Variants in PDE10A observed in about 807,000 individuals in gnomAD.
PDE10A encodes cAMP and cAMP-inhibited cGMP 3',5'-cyclic phosphodiesterase 10A.
Under a neutral mutation model 97.7 loss-of-function variants are expected in PDE10A, and 39 were observed. The ratio of observed to expected loss-of-function variants is 0.40; its 90% confidence interval spans 0.31 to 0.52. PDE10A has a LOEUF of 0.52. PDE10A is among the 20% of genes least tolerant of loss of function. The pLI is 0.56. For synonymous variants in PDE10A, 371 were observed against 376.8 expected (o/e 0.98, Z 0.18); for missense variants, 731 against 1,047.8 (o/e 0.70, Z 4.17).
chr6:165,420,550 T>G (rs1788620899), intron 10 of PDE10A, among the ~76,000 whole-genome samples: 1 of 152,240 alleles, frequency 6.6e-6, no homozygotes, highest in Non-Finnish European at 1.5e-5. Context: ...TGATCCTGCA[T>G]TATTAAACAT....
chr6:165,875,824 C>T (rs1414950698), intron 1 of PDE10A, among the ~76,000 whole-genome samples: 1 of 150,206 alleles, frequency 6.7e-6, no homozygotes, highest in African/African-American at 2.5e-5. Context: ...TGCCTTCTTC[C>T]TCTATTGGTT....
intron 1 of PDE10A, among the ~76,000 whole-genome samples, chr6:165,593,557 A>G (rs1786409657): frequency 6.6e-6 from 1 of 152,222 alleles, no homozygotes; most frequent in Non-Finnish European, 1.5e-5. Flanking sequence ...AACCTAAAAA[A>G]GGAGCCATCA....
At chr6:165,400,660 A>T (rs1244090605) in intron 13 of PDE10A, among the ~76,000 whole-genome samples, 2 of 152,186 alleles carry the variant, frequency 1.3e-5, no homozygotes, top group Non-Finnish European at 2.9e-5. Context: ...GCAGTCTCTT[A>T]AACAGTTACA....
At chr6:165,923,353 G>A (rs1271034148) in intron 1 of PDE10A, among the ~76,000 whole-genome samples, 2 of 152,216 alleles carry the variant, frequency 1.3e-5, no homozygotes, top group African/African-American at 2.4e-5. Flanking sequence ...AAAAGAACAA[G>A]GCCTATTCCA....
chr6:165,806,654 C>T (rs552039300), intron 1 of PDE10A, among the ~76,000 whole-genome samples: 1 of 151,800 alleles, frequency 6.6e-6, no homozygotes, highest in Non-Finnish European at 1.5e-5. Context: ...TGAGCGCCCC[C>T]CCCCAGGCTC....
Position 165,366,601 on chromosome 6 carries a change from C to T in PDE10A, c.2783+12593G>A, listed in dbSNP as rs1235508288. Among the ~76,000 whole-genome samples the T allele has an allele frequency of 2.6e-5, 4 of 152,200 alleles. No individual in the cohort carries two copies. The East Asian group carries it at 7.7e-4, about 29-fold the overall frequency. On this transcript the variant is annotated intron_variant, in intron 18 of 21. Transcript: ENST00000539869. Reference sequence around the variant, plus strand: ...TGACATCCTTATTTACACAGCTCTTCTCCTAAGGGCATGTCATAAATACAG... The same window carrying T: ...TGACATCCTTATTTACACAGCTCTTTTCCTAAGGGCATGTCATAAATACAG...
At chr6:165,810,121 A>G (rs1249378888) in intron 1 of PDE10A, among the ~76,000 whole-genome samples, 1 of 152,136 alleles carries the variant, frequency 6.6e-6, no homozygotes, top group Non-Finnish European at 1.5e-5. Flanking sequence ...AGACTTGGCA[A>G]GCCAGGTGGT....
intron 1 of PDE10A, among the ~76,000 whole-genome samples, chr6:165,724,018 A>G (rs1792230225): frequency 1.3e-5 from 2 of 152,178 alleles, no homozygotes; most frequent in Admixed American, 6.5e-5. Flanking sequence ...AGTGTGCACT[A>G]CAGGCTTCCA....
intron 2 of PDE10A, among the ~76,000 whole-genome samples, chr6:165,504,981 T>C (rs961391970): frequency 6.6e-6 from 1 of 152,178 alleles, no homozygotes; most frequent in Non-Finnish European, 1.5e-5. Flanking sequence ...GGAGTATCAA[T>C]CCACAGCCAC....
chr6:165,980,396 C>T (rs1784978668), intron 1 of PDE10A, among the ~76,000 whole-genome samples: 1 of 151,514 alleles, frequency 6.6e-6, no homozygotes, highest in Admixed American at 6.6e-5. Context: ...CTTATGAAAG[C>T]TTTATTTATT....
intron 1 of PDE10A, among the ~76,000 whole-genome samples, chr6:165,966,724 G>A (rs1784522892): frequency 6.6e-6 from 1 of 152,122 alleles, no homozygotes; most frequent in Non-Finnish European, 1.5e-5. Context: ...CTGGCCTCAC[G>A]GTGCATGCAC....
At chr6:165,815,725 G>A (rs763991564) in intron 1 of PDE10A, among the ~76,000 whole-genome samples, 3 of 152,028 alleles carry the variant, frequency 2.0e-5, no homozygotes, top group Non-Finnish European at 2.9e-5. Flanking sequence ...GCTCTCCAAC[G>A]TAAAGTTCCA....
Position 165,392,694 on chromosome 6 carries a change from G to A in PDE10A, c.2406C>T (p.Cys802=). Residue 802 remains cysteine, a synonymous_variant, in exon 16 of 22, where the codon TGC becomes TGT. Transcript: ENST00000539869. ...NWKHAVTVAH[C]MYAILQNNHT... ...GATTGTTCTGAAGTATGGCATACAT[G>A]CAGTGTGCTACAGTGACCGCATGCT... 7 of 1,613,900 alleles carry A rather than the reference G, an allele frequency of 4.3e-6. No homozygotes were observed. Among genetic ancestry groups the A allele is most frequent in the Non-Finnish European group, 5.9e-6 (7 of 1,179,806 alleles).
At chr6:165,614,854 A>AC (rs1453964517) in intron 1 of PDE10A, among the ~76,000 whole-genome samples, 2 of 152,126 alleles carry the variant, frequency 1.3e-5, no homozygotes, top group Non-Finnish European at 2.9e-5. Flanking sequence ...ATTAAAAAAA[A>AC]AAAAGAAAAA....
At chr6:165,681,554 C>A (rs1286965550) in intron 1 of PDE10A, among the ~76,000 whole-genome samples, 1 of 152,166 alleles carries the variant, frequency 6.6e-6, no homozygotes, top group Non-Finnish European at 1.5e-5. Flanking sequence ...GCATTTCTAA[C>A]AACCTCCCAG....
chr6:165,391,221 AAT>A (rs928042029), intron 16 of PDE10A, among the ~76,000 whole-genome samples: 18 of 152,322 alleles, frequency 1.2e-4, no homozygotes, highest in African/African-American at 4.3e-4. Context: ...TTCTTTATAA[AAT>A]ATGTTTTAAA....
chr6:165,771,015 C>A (rs1446832487), intron 1 of PDE10A, among the ~76,000 whole-genome samples: 1 of 152,176 alleles, frequency 6.6e-6, no homozygotes, highest in Non-Finnish European at 1.5e-5. Flanking sequence ...CCCTCTTTGC[C>A]CACAGTGACA....
At chr6:165,712,732 C>T (rs1453210354) in intron 1 of PDE10A, among the ~76,000 whole-genome samples, 1 of 147,080 alleles carries the variant, frequency 6.8e-6, no homozygotes, top group African/African-American at 2.6e-5. Flanking sequence ...CTCTGCCTCC[C>T]GGGTTCACGC....
At chr6:165,434,480 T>C (rs1789849383) in intron 6 of PDE10A, among the ~76,000 whole-genome samples, 1 of 152,220 alleles carries the variant, frequency 6.6e-6, no homozygotes. Flanking sequence ...CCACATGTAC[T>C]GTGGAGGACT....
Sources: allele counts gnomAD v4.1 joint callset (sites outside exome capture counted in the v4.1 genomes callset), GRCh38; gene constraint gnomAD v4.1.1; transcripts MANE v1.5; gene names NCBI Gene and HGNC (gene_info 2026-07-23, HGNC 2026-07-21).